Variants in DTD1 observed in about 807,000 individuals in gnomAD.
The protein encoded by DTD1 is D-tyrosyl-tRNA deacylase 1 homolog.
A neutral mutation model predicts 25.6 loss-of-function variants in DTD1; 13 were observed. That is an observed-to-expected ratio of 0.51 (90% confidence interval 0.33 to 0.81). The LOEUF (loss-of-function observed/expected upper bound fraction) is 0.81, where lower values mean the gene tolerates loss of function less well. Among genes scored for constraint, DTD1 ranks in the 30% least tolerant of loss-of-function variants. DTD1 has a pLI of 0.02. For synonymous variants in DTD1, 110 were observed against 103.6 expected, an observed-to-expected ratio of 1.06 and a Z score of -0.37; for missense variants, 193 against 266.4, an observed-to-expected ratio of 0.72 and a Z score of 1.92.
At chr20:18,721,384 A>G (rs558279817) in intron 4 of DTD1, among the ~76,000 whole-genome samples, 2 of 152,278 alleles carry the variant, frequency 1.3e-5, no homozygotes, top group South Asian at 4.1e-4. Flanking sequence ...ATGTTAAACT[A>G]TCTTTGCCTT....
At chr20:18,728,604 G>A (rs1340549008) in intron 4 of DTD1, among the ~76,000 whole-genome samples, 4 of 152,180 alleles carry the variant, frequency 2.6e-5, no homozygotes, top group Middle Eastern at 3.2e-3. Flanking sequence ...GTGTCTGGAT[G>A]TGGGAATCTG....
chr20:18,749,419 G>A lies in DTD1; in HGVS notation c.*19+5148G>A, dbSNP rs895572292. On this transcript the variant is annotated intron_variant, in intron 5 of 5. Coordinates refer to ENST00000377452, the MANE Select transcript of DTD1 (RefSeq NM_080820.6). The surrounding 1 kb of genome is among the most constrained non-coding windows in gnomAD (Gnocchi z 4.2). The stretch of plus-strand genomic sequence containing the variant: ...TGTTGGGTCTGTGGGCTGACTCTCG[G>A]TCCTGGATAGAAGTGGTGAGGTGAG... Among the ~76,000 whole-genome samples the A allele has an allele frequency of 2.0e-5, 3 of 152,118 alleles. No homozygotes were observed. The highest frequency in any genetic ancestry group is 4.4e-5 in the Non-Finnish European group (3 of 68,016).
intron 5 of DTD1, among the ~76,000 whole-genome samples, chr20:18,758,403 G>T (rs1421502546): frequency 2.0e-5 from 3 of 151,988 alleles, no homozygotes; most frequent in Non-Finnish European, 2.9e-5. Flanking sequence ...TGTCTTGTGG[G>T]CATTTAGTGG....
intron 5 of DTD1, among the ~76,000 whole-genome samples, chr20:18,762,526 C>T (rs530791843): frequency 6.6e-6 from 1 of 152,328 alleles, no homozygotes; most frequent in South Asian, 2.1e-4. Flanking sequence ...TTTCCTTAAG[C>T]TCCCATCCCT....
intron 3 of DTD1, among the ~76,000 whole-genome samples, chr20:18,599,376 T>G (rs1468787772): frequency 6.6e-6 from 1 of 152,082 alleles, no homozygotes; most frequent in African/African-American, 2.4e-5. Context: ...GGTTTTGGCA[T>G]GTTGGCCAGG....
chr20:18,608,048 G>A (rs1056778899), intron 3 of DTD1, among the ~76,000 whole-genome samples: 5 of 151,896 alleles, frequency 3.3e-5, no homozygotes, highest in African/African-American at 4.8e-5. Flanking sequence ...TTGGCAGATT[G>A]TACCTTTCAA....
At chr20:18,737,393 C>T (rs1434299774) in intron 4 of DTD1, among the ~76,000 whole-genome samples, 1 of 152,212 alleles carries the variant, frequency 6.6e-6, no homozygotes, top group Non-Finnish European at 1.5e-5. Context: ...TGGGGCTTGC[C>T]TGCCCTGGAG....
intron 3 of DTD1, among the ~76,000 whole-genome samples, chr20:18,616,203 A>T (rs185568180): frequency 2.6e-5 from 4 of 152,286 alleles, no homozygotes; most frequent in Admixed American, 2.6e-4. Flanking sequence ...GATTTTGGCC[A>T]AATACATTTA....
intron 5 of DTD1, among the ~76,000 whole-genome samples, chr20:18,761,070 T>C (rs549634953): frequency 6.6e-6 from 1 of 152,314 alleles, no homozygotes; most frequent in East Asian, 1.9e-4. Flanking sequence ...TGCCGTTTGC[T>C]AAGACCATTG....
At chr20:18,694,028 A>G (rs2061060063) in intron 4 of DTD1, among the ~76,000 whole-genome samples, 1 of 152,328 alleles carries the variant, frequency 6.6e-6, no homozygotes, top group African/African-American at 2.4e-5. Flanking sequence ...GGAAGTCTCC[A>G]TCGCATTGAA....
intron 4 of DTD1, among the ~76,000 whole-genome samples, chr20:18,712,364 C>T (rs1334716964): frequency 8.7e-6 from 1 of 115,440 alleles, no homozygotes; most frequent in Non-Finnish European, 1.6e-5. Context: ...CATATGATAT[C>T]ATTTTCATAA....
intron 4 of DTD1, among the ~76,000 whole-genome samples, chr20:18,649,320 A>ATTTTTTTTTT (rs2060863992): frequency 1.5e-5 from 1 of 68,616 alleles, no homozygotes; most frequent in African/African-American, 4.6e-5. Context: ...TCAGCCATTC[A>ATTTTTTTTTT]TCTTTCTTTT....
At chr20:18,692,817 T>C (rs2122439535) in intron 4 of DTD1, among the ~76,000 whole-genome samples, 1 of 152,104 alleles carries the variant, frequency 6.6e-6, no homozygotes, top group East Asian at 1.9e-4. Context: ...CTTATTAAAA[T>C]ACATCAGTTA....
intron 4 of DTD1, among the ~76,000 whole-genome samples, chr20:18,711,772 A>T (rs6045567): frequency 6.6e-6 from 1 of 152,172 alleles, no homozygotes; most frequent in Admixed American, 6.5e-5. Context: ...CAGGCCAGAC[A>T]CAGTGGCTCA....
chr20:18,655,215 A>G (rs774855092), intron 4 of DTD1, among the ~76,000 whole-genome samples: 16 of 152,200 alleles, frequency 1.1e-4, no homozygotes, highest in Non-Finnish European at 2.1e-4. Context: ...TGTTTTTCAG[A>G]GAAGGTTATG....
chr20:18,617,765 C>G (rs534600883), intron 3 of DTD1, among the ~76,000 whole-genome samples: 1 of 152,014 alleles, frequency 6.6e-6, no homozygotes, highest in Non-Finnish European at 1.5e-5. Context: ...TAAAAATATT[C>G]CCCTTTCTAT....
chr20:18,758,160 T>G (rs1252148799), intron 5 of DTD1, among the ~76,000 whole-genome samples: 1 of 152,084 alleles, frequency 6.6e-6, no homozygotes, highest in African/African-American at 2.4e-5. Flanking sequence ...ATTCTTCTCT[T>G]TTTTCTTCTT....
chr20:18,615,421 G>A (rs1326869706), intron 3 of DTD1, among the ~76,000 whole-genome samples: 2 of 152,190 alleles, frequency 1.3e-5, no homozygotes, highest in Admixed American at 1.3e-4. Context: ...AGACTGAGTA[G>A]GCACAGGAAA....
intron 4 of DTD1, among the ~76,000 whole-genome samples, chr20:18,634,872 A>G (rs1276011325): frequency 6.6e-6 from 1 of 152,220 alleles, no homozygotes; most frequent in Non-Finnish European, 1.5e-5. Flanking sequence ...AGGTGGCCCC[A>G]TCACAGGTGC....
Sources: gnomAD v4.1 joint callset for allele counts (sites outside exome capture counted in the v4.1 genomes callset) on GRCh38, gnomAD v4.1.1 for gene constraint, Gnocchi (gnomAD v3.1) non-coding constraint, MANE v1.5 for transcripts, NCBI Gene and HGNC (gene_info 2026-07-23, HGNC 2026-07-21) for gene names.